The following TTI2 variants were observed in gnomAD, a reference collection of about 807,000 sequenced individuals.
The protein encoded by TTI2 is TELO2 interacting protein 2.
Under a neutral mutation model 44.9 loss-of-function variants are expected in TTI2, and 26 were observed. That is an observed-to-expected ratio of 0.58 (90% confidence interval 0.42 to 0.80). TTI2 has a LOEUF of 0.80. TTI2 is among the 30% of genes least tolerant of loss of function. TTI2 has a pLI of 0.00. For synonymous variants in TTI2, 254 were observed against 250.9 expected, an observed-to-expected ratio of 1.01 and a Z score of -0.12; for missense variants, 582 against 611.6, an observed-to-expected ratio of 0.95 and a Z score of 0.51.
At chr8:33,506,222 C>G (rs1249003327) in intron 4 of TTI2, among the ~76,000 whole-genome samples, 1 of 152,124 alleles carries the variant, frequency 6.6e-6, no homozygotes, top group Non-Finnish European at 1.5e-5. Flanking sequence ...AATCCCTATC[C>G]GTTCATTTAC....
chr8:33,506,110 T>G (rs771534232), intron 4 of TTI2, among the ~76,000 whole-genome samples: 5 of 152,170 alleles, frequency 3.3e-5, no homozygotes, highest in African/African-American at 7.2e-5. Context: ...TAGAAACCTC[T>G]TCTAATGCAG....
Position 33,503,901 on chromosome 8 carries a change from A to T in TTI2, c.962T>A (p.Ile321Asn). Residue 321 changes from isoleucine to asparagine, a missense_variant, in exon 5 of 8, where the codon ATC becomes AAC. Ile to Asn is a moderately radical substitution (Grantham distance 149). Transcript: ENST00000431156. Reference sequence around the variant, plus strand: ...TTTCCAGTGCAGGGTTTTCTCCAGGATGGGGAATAAATCCAGCAGACACAG... The same window carrying T: ...TTTCCAGTGCAGGGTTTTCTCCAGGTTGGGGAATAAATCCAGCAGACACAG... ...VLLCLLDLFP[I>N]LEKTLHWKGD... The T allele has an allele frequency of 6.2e-7, 1 of 1,614,038 alleles. No individual in the cohort carries two copies. The highest frequency in any genetic ancestry group is 8.5e-7 in the Non-Finnish European group (1 of 1,180,008).
In TTI2 at chr8:33,511,952, G is replaced by A. The variant is rs1334137642; in HGVS notation, c.647+15C>T. On this transcript the variant is annotated intron_variant, in intron 2 of 7. Coordinates refer to ENST00000431156, the MANE Select transcript of TTI2 (RefSeq NM_001102401.4). ...TGTGAGGCTCAAGTCGGTGGCAAAGGGCAGGAGTACTCACTTATACAAGTC... is the reference window on the plus strand; with the variant it reads ...TGTGAGGCTCAAGTCGGTGGCAAAGAGCAGGAGTACTCACTTATACAAGTC... 3 of 1,613,974 alleles carry A rather than the reference G, an allele frequency of 1.9e-6. No individual in the cohort carries two copies. The highest frequency in any genetic ancestry group is 2.5e-6 in the Non-Finnish European group (3 of 1,179,920).
intron 4 of TTI2, among the ~76,000 whole-genome samples, 158 bp from the exon 5 acceptor site, chr8:33,504,093 AT>A (rs1248524893): frequency 6.6e-6 from 1 of 152,054 alleles, no homozygotes; most frequent in East Asian, 1.9e-4. Flanking sequence ...ATTACTTTAC[AT>A]TTTCAAACTT....
Position 33,498,787 on chromosome 8 carries a change from A to G in TTI2, c.*386T>C, listed in dbSNP as rs769868219. ...ATTTATGCCACGTCAGTGGGGCAAG[A>G]AATCTGGAGTGAGTGAAGAAAGCTA... On this transcript the variant is annotated 3_prime_UTR_variant, in exon 8 of 8. Transcript: ENST00000431156. 9.0e-5 allele frequency: 61 copies of G among 674,762 alleles called. No individual in the cohort carries two copies. Among genetic ancestry groups the G allele is most frequent in the Non-Finnish European group, 1.4e-4 (56 of 401,154 alleles). 41.8% of individuals were successfully genotyped at this position (674,762 alleles called of 1,614,324 possible).
chr8:33,508,110 A>AG (rs1468184387), intron 3 of TTI2, among the ~76,000 whole-genome samples: 1 of 133,720 alleles, frequency 7.5e-6, no homozygotes, highest in East Asian at 1.9e-4. Flanking sequence ...AAAAAAAAAA[A>AG]AAAAAAAAAG....
chr8:33,512,649 CAGAACGAGGATGG>C lies in TTI2; in HGVS notation c.-49_-37del. The stretch of plus-strand genomic sequence containing the variant: ...AGCACCAGAAGGCTGGTCTCTCCCA[CAGAACGAGGATGG>C]AGGCGGGGAGGGATCCGTTGAAGAG... On this transcript the variant is annotated 5_prime_UTR_variant, in exon 2 of 8. Coordinates refer to ENST00000431156, the MANE Select transcript of TTI2 (RefSeq NM_001102401.4). The C allele has an allele frequency of 1.2e-6, 2 of 1,607,998 alleles. No homozygotes were observed. Among genetic ancestry groups the C allele is most frequent in the Non-Finnish European group, 1.7e-6 (2 of 1,179,612 alleles).
chr8:33,512,417 C>G lies in TTI2; in HGVS notation c.197G>C (p.Arg66Thr), dbSNP rs765594737. The G allele has an allele frequency of 6.2e-7, 1 of 1,614,106 alleles. No homozygotes were observed. Among genetic ancestry groups the G allele is most frequent in the South Asian group, 1.1e-5 (1 of 91,084 alleles). The change falls in exon 2 of 8, where the codon AGG (arginine) becomes ACG (threonine). Residue 66 changes from arginine to threonine, a missense_variant. Transcript: ENST00000431156. ...CCGTGCACCAGTCCCCTCAAATAAC[C>G]TATCAAATTCTGTGGCTTCTATTAG... ...GDLIEATEFD[R>T]LFEGTGARLR...
At chr8:33,502,910 ACAAGGTCAGGAGTT>A (rs1809145249) in intron 6 of TTI2, among the ~76,000 whole-genome samples, 1 of 152,026 alleles carries the variant, frequency 6.6e-6, no homozygotes, top group Admixed American at 6.6e-5. Context: ...CGGGTGGATT[ACAAGGTCAGGAGTT>A]CAAGACCAGC....
chr8:33,506,669 G>C (rs745422077), intron 4 of TTI2, among the ~76,000 whole-genome samples: 21 of 147,720 alleles, frequency 1.4e-4, no homozygotes, highest in Non-Finnish European at 2.8e-4. Context: ...GGGATTTACA[G>C]GTGTGAGCCA....
chr8:33,505,485 C>CTTTTTTTTTTTTTT (rs11446015), intron 4 of TTI2, among the ~76,000 whole-genome samples: 1 of 146,936 alleles, frequency 6.8e-6, no homozygotes, highest in Non-Finnish European at 1.5e-5. Flanking sequence ...GCCACTGCAC[C>CTTTTTTTTTTTTTT]TTTTTTTTTT....
rs971378573 is a variant in TTI2, at chr8:33,503,748, C to T, written c.1115G>A (p.Arg372Lys). The change falls in exon 5 of 8, where the codon AGG becomes AAG. Residue 372 changes from arginine to lysine, a missense_variant and splice_region_variant. By Grantham distance (26) the Arg-to-Lys change is conservative. Transcript: ENST00000431156. ...YARNLPAFVN[R>K]LGILTVRHLK... ...AATAAATAAAAGCCCAGGGCCTCAC[C>T]TGTTCACGAAAGCCGGCAGGTTTCT... 9 of 1,613,364 alleles carry T rather than the reference C, an allele frequency of 5.6e-6. No homozygotes were observed. The highest frequency in any genetic ancestry group is 7.6e-6 in the Non-Finnish European group (9 of 1,179,898).
intron 6 of TTI2, among the ~76,000 whole-genome samples, chr8:33,503,144 A>C (rs113952448): frequency 4.0e-4 from 58 of 145,400 alleles, no homozygotes; most frequent in South Asian, 1.1e-3. Flanking sequence ...AAAAAAAAAA[A>C]AAAACAAAAA....
intron 4 of TTI2, among the ~76,000 whole-genome samples, chr8:33,504,490 G>A (rs187880947): frequency 0.015 from 2,302 of 151,622 alleles, 69 homozygotes; most frequent in African/African-American, 0.053. Flanking sequence ...TAGAGACAAA[G>A]TTTCACCATC....
chr8:33,501,876 C>A (rs530264375), intron 6 of TTI2, among the ~76,000 whole-genome samples: 49 of 152,298 alleles, frequency 3.2e-4, no homozygotes, highest in Non-Finnish European at 1.2e-4. Context: ...ACACCTACCT[C>A]AAGCCAGAGT....
chr8:33,510,888 G>A (rs1809503851), intron 2 of TTI2, among the ~76,000 whole-genome samples: 1 of 152,122 alleles, frequency 6.6e-6, no homozygotes, highest in Non-Finnish European at 1.5e-5. Context: ...TCAGCTAACA[G>A]TAATCTAAAG....
Position 33,500,532 on chromosome 8 carries a change from G to T in TTI2, c.1260-42C>A, listed in dbSNP as rs1186544120. Reference sequence around the variant, plus strand: ...AAGCTATGTTCATACTCTAAATCTGGATATTAAAATTGGAAGAGACTTCAA... The same window carrying T: ...AAGCTATGTTCATACTCTAAATCTGTATATTAAAATTGGAAGAGACTTCAA... On this transcript the variant is annotated intron_variant, in intron 6 of 7. Coordinates refer to ENST00000431156, the MANE Select transcript of TTI2 (RefSeq NM_001102401.4). The T allele has an allele frequency of 6.8e-6, 11 of 1,608,770 alleles. 1 individual carries two copies. The East Asian group carries it at 2.2e-4, about 33-fold the overall frequency.
At chr8:33,510,015 CAGAGT>C in intron 2 of TTI2, 83 bp from the exon 3 acceptor site, 1 of 1,098,412 alleles carries the variant, frequency 9.1e-7, no homozygotes, top group Non-Finnish European at 1.3e-6. Context: ...TCAAGCTAAA[CAGAGT>C]ATTTTCATGT....
Position 33,512,177 on chromosome 8 carries a change from A to C in TTI2, c.437T>G (p.Leu146Trp), listed in dbSNP as rs1231540492. The change falls in exon 2 of 8, where the codon TTG (leucine) becomes TGG (tryptophan). Residue 146 changes from leucine to tryptophan, a missense_variant. Transcript: ENST00000431156. ...GGCAAAAATATAAACGGGTCCTGCC[A>C]AGTGATGCAGGCCCGTCTGCCATGC... ...GPAWQTGLHH[L>W]AGPVYIFAIT... The C allele has an allele frequency of 6.2e-7, 1 of 1,614,212 alleles. No individual in the cohort carries two copies. The highest frequency in any genetic ancestry group is 1.7e-5 in the Admixed American group (1 of 60,022).
Sources: allele counts gnomAD v4.1 joint callset (sites outside exome capture counted in the v4.1 genomes callset), GRCh38; gene constraint gnomAD v4.1.1; transcripts MANE v1.5; gene names NCBI Gene and HGNC (gene_info 2026-07-23, HGNC 2026-07-21).